The following THEMIS variants were observed in gnomAD, a reference collection of about 807,000 sequenced individuals.
THEMIS encodes the protein thymocyte selection associated.
Under a neutral mutation model 52.6 loss-of-function variants are expected in THEMIS, and 37 were observed. The ratio of observed to expected loss-of-function variants is 0.70; its 90% CI spans 0.54 to 0.93. The LOEUF (loss-of-function observed/expected upper bound fraction) is 0.93, where lower values mean the gene tolerates loss of function less well. THEMIS is among the 40% of genes least tolerant of loss of function. The probability of loss-of-function intolerance (pLI) is 0.00; values close to 1 mark genes in which losing one functional copy is unlikely to be tolerated. For synonymous variants in THEMIS, 292 were observed against 272.7 expected, an observed-to-expected ratio of 1.07 and a Z score of -0.70; for missense variants, 808 against 763.1, an observed-to-expected ratio of 1.06 and a Z score of -0.69.
intron 4 of THEMIS, among the ~76,000 whole-genome samples, chr6:127,806,672 T>C (rs934452864): frequency 6.6e-6 from 1 of 152,230 alleles, no homozygotes; most frequent in East Asian, 1.9e-4. Flanking sequence ...TATTTTAGTT[T>C]AACCAATTCC....
chr6:127,785,260 T>C (rs1004874534), intron 4 of THEMIS, among the ~76,000 whole-genome samples: 1 of 144,138 alleles, frequency 6.9e-6, no homozygotes, highest in Non-Finnish European at 1.5e-5. Context: ...ATCATCTATC[T>C]ATTTATCACC....
intron 4 of THEMIS, among the ~76,000 whole-genome samples, chr6:127,770,988 G>C (rs555978382): frequency 6.6e-6 from 1 of 152,262 alleles, no homozygotes; most frequent in South Asian, 2.1e-4. Context: ...AATTGTCCCT[G>C]TTTGTAGATG....
intron 2 of THEMIS, among the ~76,000 whole-genome samples, chr6:127,853,119 T>A (rs1779487670): frequency 6.6e-6 from 1 of 151,784 alleles, no homozygotes; most frequent in African/African-American, 2.4e-5. Context: ...ATTATTGTAA[T>A]AAATAAGATT....
At chr6:127,901,869 G>A (rs1333251436), upstream of THEMIS, among the ~76,000 whole-genome samples, 1 of 151,994 alleles carries the variant, frequency 6.6e-6, no homozygotes, top group East Asian at 1.9e-4. Flanking sequence ...TGAAATTTAG[G>A]AGGGGAAATG....
At chr6:127,726,645 G>A (rs1774557456) in intron 4 of THEMIS, among the ~76,000 whole-genome samples, 1 of 152,050 alleles carries the variant, frequency 6.6e-6, no homozygotes, top group South Asian at 2.1e-4. Flanking sequence ...TTGATATCTA[G>A]AAGTCCCACC....
intron 1 of THEMIS, among the ~76,000 whole-genome samples, chr6:127,868,250 A>G (rs1780045594): frequency 6.6e-6 from 1 of 152,124 alleles, no homozygotes; most frequent in Non-Finnish European, 1.5e-5. Flanking sequence ...TTATTATTTT[A>G]CATGATGTTT....
chr6:127,911,605 G>T (rs1781412753), intron 1 of THEMIS, among the ~76,000 whole-genome samples: 1 of 151,370 alleles, frequency 6.6e-6, no homozygotes, highest in Non-Finnish European at 1.5e-5. Flanking sequence ...GTAAACGTAA[G>T]TTCATACTGA....
chr6:127,901,450 T>C (rs1781132247), upstream of THEMIS, among the ~76,000 whole-genome samples: 1 of 152,120 alleles, frequency 6.6e-6, no homozygotes, highest in South Asian at 2.1e-4. Flanking sequence ...TCAGTGCCTT[T>C]ACATTAAAAT....
intron 5 of THEMIS, among the ~76,000 whole-genome samples, chr6:127,711,460 C>T (rs1773979797): frequency 6.6e-6 from 1 of 151,920 alleles, no homozygotes; most frequent in South Asian, 2.1e-4. Flanking sequence ...TTACTTTCCT[C>T]TGTCAACATT....
chr6:127,770,108 C>T (rs1053381604), intron 4 of THEMIS, among the ~76,000 whole-genome samples: 9 of 152,198 alleles, frequency 5.9e-5, no homozygotes, highest in African/African-American at 2.2e-4. Flanking sequence ...TTTATAACAG[C>T]ATGATTTATA....
At chr6:127,744,746 A>G (rs1775328023) in intron 4 of THEMIS, among the ~76,000 whole-genome samples, 4 of 151,956 alleles carry the variant, frequency 2.6e-5, no homozygotes, top group Admixed American at 2.6e-4. Flanking sequence ...TTATAGATAT[A>G]TGCTCTACAA....
At chr6:127,699,886 T>C in the THEMIS span, among the ~76,000 whole-genome samples, 131 of 152,060 alleles carry the variant, frequency 8.6e-4, no homozygotes, top group African/African-American at 3.0e-3. Flanking sequence ...AAACTCTTCA[T>C]GACTTGTGTT....
chr6:127,701,352 G>C, the THEMIS span, among the ~76,000 whole-genome samples: 2 of 152,022 alleles, frequency 1.3e-5, no homozygotes, highest in African/African-American at 4.8e-5. Context: ...CATCCAAGCT[G>C]TTGCATTTTT....
chr6:127,868,742 T>A (rs1341478946), intron 1 of THEMIS, among the ~76,000 whole-genome samples: 2 of 152,178 alleles, frequency 1.3e-5, no homozygotes, highest in Non-Finnish European at 2.9e-5. Context: ...TAAGCTGTTG[T>A]TTTTCATATA....
intron 4 of THEMIS, among the ~76,000 whole-genome samples, chr6:127,774,556 CT>C: frequency 6.6e-6 from 1 of 152,314 alleles, no homozygotes; most frequent in South Asian, 2.1e-4. Context: ...CCCAGAAACA[CT>C]TGTACTACAT....
chr6:127,742,167 T>A (rs895897694), intron 4 of THEMIS, among the ~76,000 whole-genome samples: 1 of 151,620 alleles, frequency 6.6e-6, no homozygotes, highest in African/African-American at 2.4e-5. Flanking sequence ...GCAAAAAGAT[T>A]AGCTGGGCAT....
At chr6:127,726,931 T>C (rs1774567691) in intron 4 of THEMIS, among the ~76,000 whole-genome samples, 1 of 152,216 alleles carries the variant, frequency 6.6e-6, no homozygotes, top group Non-Finnish European at 1.5e-5. Context: ...GAGGTCTGAA[T>C]AGACAGCTAA....
Position 127,737,464 on chromosome 6 carries a change from C to T in THEMIS, c.1759-17641G>A, listed in dbSNP as rs184753076. Among the ~76,000 whole-genome samples the T allele has an allele frequency of 9.2e-5, 14 of 152,288 alleles. No individual in the cohort carries two copies. The East Asian group carries it at 2.3e-3, about 25-fold the overall frequency. On this transcript the variant is annotated intron_variant, in intron 4 of 5. Transcript: ENST00000368248. Reference sequence around the variant, plus strand: ...TTTCAGAGTATTGTGTTTCTTAAAGCAGAGCCAAGTAAGTATTCAAATGCC... The same window carrying T: ...TTTCAGAGTATTGTGTTTCTTAAAGTAGAGCCAAGTAAGTATTCAAATGCC...
At chr6:127,836,166 T>C (rs529677709) in intron 2 of THEMIS, among the ~76,000 whole-genome samples, 1 of 152,246 alleles carries the variant, frequency 6.6e-6, no homozygotes, top group South Asian at 2.1e-4. Context: ...ATGATCTTAA[T>C]TTTGTTAATG....
Sources: allele counts gnomAD v4.1 joint callset (sites outside exome capture counted in the v4.1 genomes callset), GRCh38; gene constraint gnomAD v4.1.1; transcripts MANE v1.5; gene names NCBI Gene and HGNC (gene_info 2026-07-23, HGNC 2026-07-21).